The following PTPRD variants were observed in gnomAD, a reference collection of about 807,000 sequenced individuals.
The protein encoded by PTPRD is receptor-type tyrosine-protein phosphatase delta.
Under a neutral mutation model 214.5 loss-of-function variants are expected in PTPRD, and 34 were observed. The ratio of observed to expected loss-of-function variants is 0.16; its 90% CI spans 0.12 to 0.21. PTPRD has a LOEUF of 0.21. Ranked by LOEUF, PTPRD falls within the 10% of genes least tolerant of loss-of-function variation. The pLI, the probability that PTPRD is intolerant of heterozygous loss-of-function variation, is 1.00. For missense variants in PTPRD, 2,545 were observed against 2,398.7 expected (o/e 1.06, Z -1.27); for synonymous variants, 1,128 against 845.7 (o/e 1.33, Z -5.79).
chr9:10,106,368 C>CTGAG (rs1395873699), intron 3 of PTPRD, among the ~76,000 whole-genome samples: 1 of 151,816 alleles, frequency 6.6e-6, no homozygotes. Flanking sequence ...TCATTACAGG[C>CTGAG]TGAGGTTTAT....
intron 3 of PTPRD, among the ~76,000 whole-genome samples, chr9:10,321,703 G>A (rs1250199012): frequency 6.6e-6 from 1 of 151,958 alleles, no homozygotes; most frequent in Non-Finnish European, 1.5e-5. Flanking sequence ...ATGGTGGGAT[G>A]ATATTTATGT....
chr9:9,957,253 T>C (rs989091726), intron 4 of PTPRD, among the ~76,000 whole-genome samples: 1 of 152,264 alleles, frequency 6.6e-6, no homozygotes, highest in African/African-American at 2.4e-5. Flanking sequence ...CTTTTTAAGA[T>C]ATCTCATAAA....
chr9:10,404,164 G>T (rs996073247), intron 2 of PTPRD, among the ~76,000 whole-genome samples: 1 of 151,684 alleles, frequency 6.6e-6, no homozygotes, highest in East Asian at 2.0e-4. Context: ...CAATAAAGTT[G>T]ACAAAAAAAT....
intron 5 of PTPRD, among the ~76,000 whole-genome samples, chr9:9,798,429 T>A (rs2099017762): frequency 6.6e-6 from 1 of 152,054 alleles, no homozygotes; most frequent in Non-Finnish European, 1.5e-5. Context: ...GGGAATAAAT[T>A]GGGGGGAATT....
At chr9:9,947,576 T>TTTTAA (rs1491033175) in intron 4 of PTPRD, among the ~76,000 whole-genome samples, 1 of 46,614 alleles carries the variant, frequency 2.1e-5, no homozygotes, top group Admixed American at 3.8e-4. Context: ...ATATATATAT[T>TTTTAA]ATATATATAT....
chr9:8,398,927 A>C (rs1328871798), intron 36 of PTPRD, among the ~76,000 whole-genome samples: 1 of 152,098 alleles, frequency 6.6e-6, no homozygotes, highest in Non-Finnish European at 1.5e-5. Context: ...TATTTTACTA[A>C]GCTTTTTAAA....
chr9:9,419,888 GC>G, intron 8 of PTPRD, among the ~76,000 whole-genome samples: 1 of 151,590 alleles, frequency 6.6e-6, no homozygotes, highest in East Asian at 1.9e-4. Flanking sequence ...AAAGCATTTT[GC>G]TTTATTTATC....
chr9:8,456,731 G>C (rs1456808495), intron 33 of PTPRD, among the ~76,000 whole-genome samples: 2 of 151,996 alleles, frequency 1.3e-5, no homozygotes, highest in African/African-American at 4.8e-5. Context: ...TCTAGCTCAT[G>C]GTTTCCACAT....
intron 5 of PTPRD, among the ~76,000 whole-genome samples, chr9:9,775,828 C>T (rs539541146): frequency 8.6e-5 from 13 of 151,886 alleles, no homozygotes; most frequent in East Asian, 1.9e-4. Context: ...TGGTGGCGGA[C>T]GCCTGCAGTC....
chr9:10,483,290 G>T (rs1192242961), intron 2 of PTPRD, among the ~76,000 whole-genome samples: 6 of 151,676 alleles, frequency 4.0e-5, no homozygotes, highest in African/African-American at 1.5e-4. Flanking sequence ...AACTCAAGAT[G>T]GATTAAAGAC....
intron 7 of PTPRD, among the ~76,000 whole-genome samples, chr9:9,712,798 A>T (rs1035900214): frequency 1.3e-5 from 2 of 152,218 alleles, no homozygotes; most frequent in Non-Finnish European, 2.9e-5. Flanking sequence ...AAATGCCTTA[A>T]AAGTAGTTTA....
chr9:10,090,333 T>C (rs2098413947), intron 3 of PTPRD, among the ~76,000 whole-genome samples: 1 of 151,510 alleles, frequency 6.6e-6, no homozygotes, highest in Non-Finnish European at 1.5e-5. Flanking sequence ...CCAAGTACCT[T>C]AGTCATTCAG....
At chr9:9,221,070 T>C (rs1428251680) in intron 9 of PTPRD, among the ~76,000 whole-genome samples, 1 of 152,090 alleles carries the variant, frequency 6.6e-6, no homozygotes, top group African/African-American at 2.4e-5. Flanking sequence ...TGGCAGAGGC[T>C]GAGGCCATGA....
At chr9:9,636,430 C>G (rs2095768881) in intron 7 of PTPRD, among the ~76,000 whole-genome samples, 1 of 152,126 alleles carries the variant, frequency 6.6e-6, no homozygotes, top group African/African-American at 2.4e-5. Flanking sequence ...TCACCTTTCT[C>G]CAATGACAGA....
At chr9:9,172,271 T>C (rs1239466766) in intron 10 of PTPRD, among the ~76,000 whole-genome samples, 2 of 152,188 alleles carry the variant, frequency 1.3e-5, no homozygotes. Context: ...GAATATAGCC[T>C]TTGAATCAAT....
chr9:9,785,676 G>A (rs2098917618), intron 5 of PTPRD, among the ~76,000 whole-genome samples: 1 of 151,930 alleles, frequency 6.6e-6, no homozygotes, highest in African/African-American at 2.4e-5. Context: ...TTTGGGTGCT[G>A]GAACAGAAAA....
intron 43 of PTPRD, 73 bp downstream of exon 43, chr9:8,338,849 G>GAGAGAGAGAC (rs1849561529): frequency 1.2e-6 from 1 of 833,076 alleles, no homozygotes; most frequent in African/African-American, 1.9e-5. Flanking sequence ...GCTTCTCCCA[G>GAGAGAGAGAC]AGAGAGAGAG....
At chr9:10,550,449 G>A in intron 2 of PTPRD, among the ~76,000 whole-genome samples, 1 of 152,078 alleles carries the variant, frequency 6.6e-6, no homozygotes, top group East Asian at 1.9e-4. Context: ...GAGTAGGGAA[G>A]GATGAAAGAC....
chr9:10,210,864 G>A (rs1247909139), intron 3 of PTPRD, among the ~76,000 whole-genome samples: 1 of 136,026 alleles, frequency 7.4e-6, no homozygotes, highest in Non-Finnish European at 1.5e-5. Context: ...TTCTTACTCT[G>A]CTTGAACAGC....
Sources: gnomAD v4.1 joint callset for allele counts (sites outside exome capture counted in the v4.1 genomes callset) on GRCh38, gnomAD v4.1.1 for gene constraint, MANE v1.5 for transcripts, NCBI Gene and HGNC (gene_info 2026-07-23, HGNC 2026-07-21) for gene names.